Variants in LAMA2 observed in about 807,000 individuals in gnomAD.
LAMA2 encodes the protein laminin subunit alpha-2.
Under a neutral mutation model 364.8 loss-of-function variants are expected in LAMA2, and 269 were observed. The ratio of observed to expected loss-of-function variants is 0.74; its 90% CI spans 0.67 to 0.82. The LOEUF is 0.82. LAMA2 is among the 40% of genes least tolerant of loss of function. The probability of loss-of-function intolerance (pLI) is 0.00; values close to 1 mark genes in which losing one functional copy is unlikely to be tolerated. For synonymous variants in LAMA2, 1,379 were observed against 1,370.6 expected (o/e 1.01, Z -0.14); for missense variants, 3,807 against 3,873.2 (o/e 0.98, Z 0.45).
chr6:129,195,972 A>G (rs1255327628), intron 12 of LAMA2, among the ~76,000 whole-genome samples: 1 of 152,200 alleles, frequency 6.6e-6, no homozygotes, highest in African/African-American at 2.4e-5. Context: ...TTGCATCTGT[A>G]AAGTTCTGGG....
rs548441599 is a variant in LAMA2 at position 129,509,740 on chromosome 6, C to T, written c.8857+2098C>T. Among the ~76,000 whole-genome samples, 23 of 152,084 alleles carry T rather than the reference C, an allele frequency of 1.5e-4. No homozygotes were observed. In the South Asian group the frequency reaches 4.4e-3, roughly 29 times the overall value. On this transcript the variant is annotated intron_variant, in intron 62 of 64. Transcript: ENST00000421865. ...GCCTATTTTTATGCCAGTACTATGC[C>T]GTTTGGCTTACTATAGTTCTGTGGT...
intron 32 of LAMA2, among the ~76,000 whole-genome samples, chr6:129,364,167 C>G (rs1388186492): frequency 2.0e-5 from 3 of 152,168 alleles, no homozygotes; most frequent in Non-Finnish European, 1.5e-5. Context: ...CCTGCCAGGG[C>G]AGTTTAATCC....
At position 129,154,629 on chromosome 6, in the gene LAMA2, C is replaced by T; in HGVS notation, c.1152C>T (p.Asn384=). The T allele has an allele frequency of 6.2e-7, 1 of 1,614,014 alleles. No homozygotes were observed. The highest frequency in any genetic ancestry group is 8.5e-7 in the Non-Finnish European group (1 of 1,179,926). ...GTGTCTGCATTAATTGTACCCAAAACACTGCTGGTATAAACTGCGAGACAT... is the reference window on the plus strand; with the variant it reads ...GTGTCTGCATTAATTGTACCCAAAATACTGCTGGTATAAACTGCGAGACAT... The part of the protein sequence containing the change: ...GGGVCINCTQ[N]TAGINCETCT... Residue 384 remains asparagine (N), a synonymous_variant, in exon 8 of 65, where the codon AAC becomes AAT. Transcript: ENST00000421865.
chr6:129,264,688 G>A (rs1025255262), intron 15 of LAMA2, among the ~76,000 whole-genome samples: 7 of 152,106 alleles, frequency 4.6e-5, no homozygotes, highest in Non-Finnish European at 7.4e-5. Flanking sequence ...CTAGAAATTT[G>A]GGAAGTGTGA....
chr6:128,883,333 C>T lies in LAMA2; in HGVS notation c.88C>T (p.Gln30Ter). ...GGCGCAGCGGCCGCAGCAGCAGCGG[C>T]AGTCACAGGCACATCAGCAAAGAGG... Reference protein sequence around the residue: ...VQAQRPQQQRQSQAHQQRGLF... With the variant: ...VQAQRPQQQR Residue 30 changes from glutamine (Q) to a stop codon, truncating the protein, a stop_gained, in exon 1 of 65, where the codon CAG becomes TAG. Transcript: ENST00000421865. LOFTEE classifies it high-confidence loss of function. The T allele has an allele frequency of 6.3e-7, 1 of 1,598,674 alleles. No individual in the cohort carries two copies.
chr6:128,978,410 C>T (rs549595264), intron 1 of LAMA2, among the ~76,000 whole-genome samples: 7 of 150,798 alleles, frequency 4.6e-5, no homozygotes, highest in South Asian at 2.1e-4. Flanking sequence ...ATTCGCCTCC[C>T]GGGTTCAAGC....
At chr6:128,922,097 T>A (rs1179216309) in intron 1 of LAMA2, among the ~76,000 whole-genome samples, 1 of 152,100 alleles carries the variant, frequency 6.6e-6, no homozygotes, top group Non-Finnish European at 1.5e-5. Flanking sequence ...TTTCTTAATC[T>A]AGTCTATCTT....
intron 35 of LAMA2, among the ~76,000 whole-genome samples, chr6:129,387,118 G>T (rs1035319908): frequency 2.0e-5 from 3 of 150,564 alleles, no homozygotes; most frequent in African/African-American, 7.3e-5. Context: ...TGGGGTATGT[G>T]TTATATGTTT....
At chr6:129,311,340 C>T (rs1431520125) in intron 22 of LAMA2, among the ~76,000 whole-genome samples, 2 of 152,012 alleles carry the variant, frequency 1.3e-5, no homozygotes, top group Non-Finnish European at 2.9e-5. Context: ...CCAGGACGGT[C>T]TCAATCTCCT....
At chr6:128,977,175 C>A (rs1782581340) in intron 1 of LAMA2, among the ~76,000 whole-genome samples, 1 of 151,452 alleles carries the variant, frequency 6.6e-6, no homozygotes, top group Non-Finnish European at 1.5e-5. Context: ...CTTCTTAATA[C>A]ATAATGCTCT....
At chr6:129,087,779 G>T (rs1394155602) in intron 3 of LAMA2, among the ~76,000 whole-genome samples, 1 of 151,730 alleles carries the variant, frequency 6.6e-6, no homozygotes, top group Non-Finnish European at 1.5e-5. Context: ...TGGTAAAGTA[G>T]TAAACAGCAG....
intron 9 of LAMA2, among the ~76,000 whole-genome samples, chr6:129,175,191 G>A (rs1428749675): frequency 6.6e-6 from 1 of 152,090 alleles, no homozygotes; most frequent in Admixed American, 6.5e-5. Flanking sequence ...TCCTTTTAAT[G>A]TACTTTAGGA....
intron 54 of LAMA2, chr6:129,479,700 T>C (rs1784257808): frequency 6.6e-6 from 1 of 152,068 alleles, no homozygotes; most frequent in African/African-American, 2.4e-5. Context: ...CTTAAACCAC[T>C]CCAATAGAAT....
chr6:128,950,356 G>A (rs571031226), intron 1 of LAMA2, among the ~76,000 whole-genome samples: 3 of 152,112 alleles, frequency 2.0e-5, no homozygotes, highest in African/African-American at 7.2e-5. Context: ...TCTGGAAAGG[G>A]TCATTATTTC....
At chr6:129,503,534 C>T (rs1245435900) in intron 60 of LAMA2, among the ~76,000 whole-genome samples, 3 of 152,168 alleles carry the variant, frequency 2.0e-5, no homozygotes, top group African/African-American at 7.2e-5. Context: ...AAACATCTAC[C>T]CATAAACTGA....
intron 1 of LAMA2, among the ~76,000 whole-genome samples, chr6:128,885,944 G>A (rs951551525): frequency 7.2e-5 from 11 of 152,204 alleles, no homozygotes; most frequent in Admixed American, 2.6e-4. Flanking sequence ...GCAAGGCAGT[G>A]TCTAAAATGT....
intron 12 of LAMA2, among the ~76,000 whole-genome samples, chr6:129,213,682 G>C (rs1258644078): frequency 6.6e-6 from 1 of 151,996 alleles, no homozygotes; most frequent in African/African-American, 2.4e-5. Context: ...GCTTTGCTGA[G>C]GTATCTGTTT....
intron 3 of LAMA2, among the ~76,000 whole-genome samples, chr6:129,074,613 A>G (rs1773513779): frequency 6.6e-6 from 1 of 152,202 alleles, no homozygotes; most frequent in African/African-American, 2.4e-5. Context: ...TTGAGAGAAA[A>G]TGGAAAGGGA....
intron 3 of LAMA2, among the ~76,000 whole-genome samples, chr6:129,094,399 C>A (rs1027857349): frequency 6.6e-6 from 1 of 152,136 alleles, no homozygotes; most frequent in South Asian, 2.1e-4. Flanking sequence ...ACTGCTTTTC[C>A]GTGTCACTGC....
Sources: allele counts gnomAD v4.1 joint callset (sites outside exome capture counted in the v4.1 genomes callset), GRCh38; gene constraint gnomAD v4.1.1; transcripts MANE v1.5; gene names NCBI Gene and HGNC (gene_info 2026-07-23, HGNC 2026-07-21).